The following ANKRD40 variants were observed in gnomAD, a reference collection of about 807,000 sequenced individuals.
The protein encoded by ANKRD40 is ankyrin repeat domain-containing protein 40.
ANKRD40 carries 24 observed loss-of-function variants against 35.5 expected under a neutral mutation model. The observed-to-expected ratio is 0.68, with a 90% CI of 0.49 to 0.95. The LOEUF (loss-of-function observed/expected upper bound fraction) is 0.95. Ranked by LOEUF, ANKRD40 falls within the 40% of genes least tolerant of loss-of-function variation. The pLI is 0.00. For synonymous variants in ANKRD40, 147 were observed against 173.5 expected (o/e 0.85, Z 1.20); for missense variants, 361 against 436.0 (o/e 0.83, Z 1.53).
At chr17:50,700,277 C>T in intron 2 of ANKRD40, 2 of 284,426 alleles carry the variant, frequency 7.0e-6, no homozygotes, top group Middle Eastern at 1.1e-3. Context: ...AACCCCGTCT[C>T]TACTAAAAAT....
Position 50,696,147 on chromosome 17 carries a change from A to G in ANKRD40, c.961-4T>C. The G allele has an allele frequency of 6.2e-7, 1 of 1,613,372 alleles. No homozygotes were observed. Among genetic ancestry groups the G allele is most frequent in the South Asian group, 1.1e-5 (1 of 91,024 alleles). ...GGAGTCGAGCAACATCCTTGTCCTA[A>G]AACAAAAATATGTTAAACAGATTAA... On this transcript the variant is annotated splice_region_variant and splice_polypyrimidine_tract_variant and intron_variant, in intron 4 of 4. Transcript: ENST00000285243.
chr17:50,695,757 C>A lies in ANKRD40; in HGVS notation c.*240G>T. On this transcript the variant is annotated 3_prime_UTR_variant, in exon 5 of 5. Coordinates refer to ENST00000285243, the MANE Select transcript of ANKRD40 (RefSeq NM_052855.4). Reference sequence around the variant, plus strand: ...ACCTTCAGCTTCTGCCTCTCCAGACCACTTCTCAGCTGTTCAAAGCTTCAA... The same window carrying A: ...ACCTTCAGCTTCTGCCTCTCCAGACAACTTCTCAGCTGTTCAAAGCTTCAA... 2.4e-6 allele frequency: 1 copy of A among 412,194 alleles called. No homozygotes were observed. Among genetic ancestry groups the A allele is most frequent in the Admixed American group, 3.9e-5 (1 of 25,622 alleles). The allele number at this position is 412,194 out of a possible 1,614,324, so 25.5% of individuals were successfully genotyped here.
rs1968189649 is a variant in ANKRD40 at position 50,695,545 on chromosome 17, C to A, written c.*452G>T. 6.4e-6 allele frequency: 1 copy of A among 155,600 alleles called. No individual in the cohort carries two copies. The highest frequency in any genetic ancestry group is 1.4e-5 in the Non-Finnish European group (1 of 69,902). The allele number at this position is 155,600 out of a possible 1,614,324, so 9.6% of individuals were successfully genotyped here. A position where few individuals can be genotyped will look rare whatever the true frequency, so the allele number is the denominator to read the frequency against. On this transcript the variant is annotated 3_prime_UTR_variant, in exon 5 of 5. Transcript: ENST00000285243. The stretch of plus-strand genomic sequence containing the variant: ...TCCATCTGTCCAGTATCTGTGCTTT[C>A]CCGAGTCTTCCTCTCTCATAAGTTC...
intron 3 of ANKRD40, among the ~76,000 whole-genome samples, chr17:50,697,423 G>C (rs1269760797): frequency 6.6e-6 from 1 of 152,224 alleles, no homozygotes; most frequent in Non-Finnish European, 1.5e-5. Context: ...TGCCATTGGA[G>C]CTAAGGAGGC....
chr17:50,696,280 G>C (rs1184969433), intron 4 of ANKRD40, 137 bp from the exon 5 acceptor site: 1 of 1,009,462 alleles, frequency 9.9e-7, no homozygotes, highest in Non-Finnish European at 1.4e-6. Context: ...GGCTAAGTCA[G>C]TGATAGTGCA....
rs1396692691 is a variant in ANKRD40 at position 50,697,072 on chromosome 17, A to G, written c.828T>C (p.Asp276=). ...GTCGGTCCAGTTCAATTTCAATGAAATCATTTTCTCGAAGAGATGGGTTCT... is the reference window on the plus strand; with the variant it reads ...GTCGGTCCAGTTCAATTTCAATGAAGTCATTTTCTCGAAGAGATGGGTTCT... ...RIQNPSLREN[D]FIEIELDRQE... Residue 276 remains aspartate, a synonymous_variant, in exon 4 of 5, where the codon GAT becomes GAC. Coordinates refer to ENST00000285243, the MANE Select transcript of ANKRD40 (RefSeq NM_052855.4). 1 of 1,613,886 alleles carries G rather than the reference A, an allele frequency of 6.2e-7. No homozygotes were observed. Among genetic ancestry groups the G allele is most frequent in the Non-Finnish European group, 8.5e-7 (1 of 1,179,990 alleles).
chr17:50,694,248 CAGCA>C lies in ANKRD40; in HGVS notation c.*1745_*1748del. 1 of 151,996 alleles carries C rather than the reference CAGCA, an allele frequency of 6.6e-6. No individual in the cohort carries two copies. Among genetic ancestry groups the C allele is most frequent in the Non-Finnish European group, 1.5e-5 (1 of 68,016 alleles). 9.4% of individuals were successfully genotyped at this position (151,996 alleles called of 1,614,324 possible). A position where few individuals can be genotyped will look rare whatever the true frequency, so the allele number is the denominator to read the frequency against. ...CACTGTACAAGGGTGAGTAAGTCAC[CAGCA>C]GTAATTGGTGGGATACAATTAAGTC... On this transcript the variant is annotated 3_prime_UTR_variant, in exon 5 of 5. Transcript: ENST00000285243.
chr17:50,696,879 G>T, intron 4 of ANKRD40, 61 bp downstream of exon 4: 1 of 1,451,698 alleles, frequency 6.9e-7, no homozygotes, highest in African/African-American at 1.4e-5. Context: ...ATATAACCAA[G>T]GAGGGGGCTA....
intron 1 of ANKRD40, among the ~76,000 whole-genome samples, chr17:50,702,432 A>T (rs1277777558): frequency 6.6e-6 from 1 of 152,094 alleles, no homozygotes; most frequent in Admixed American, 6.6e-5. Context: ...GAGTAAACTA[A>T]GGATAAAGTG....
Position 50,707,603 on chromosome 17 carries a change from C to T in ANKRD40, c.52G>A (p.Ala18Thr). The T allele has an allele frequency of 6.2e-7, 1 of 1,603,712 alleles. No homozygotes were observed. Among genetic ancestry groups the T allele is most frequent in the Admixed American group, 1.7e-5 (1 of 59,310 alleles). ...KEQQERLREA[A>T]ALGDIREVQK... ...ACCTCCCGAATGTCCCCTAAGGCCG[C>T]GGCCTCCCGCAGCCTCTCCTGCTGC... Residue 18 changes from alanine to threonine, a missense_variant, in exon 1 of 5, where the codon GCG becomes ACG. This residue lies in a region of ANKRD40 where 56 missense variants were observed against 47.1 expected (regional missense o/e 1.19). Coordinates refer to ENST00000285243, the MANE Select transcript of ANKRD40 (RefSeq NM_052855.4). The surrounding 1 kb of genome is among the most constrained non-coding windows in gnomAD (Gnocchi z 4.8).
intron 1 of ANKRD40, among the ~76,000 whole-genome samples, chr17:50,706,696 G>A: frequency 6.9e-6 from 1 of 144,512 alleles, no homozygotes; most frequent in East Asian, 2.1e-4. Flanking sequence ...GAGGCCAGGA[G>A]TTTGAGACCA....
intron 3 of ANKRD40, among the ~76,000 whole-genome samples, chr17:50,698,985 C>CAAA (rs5820829): frequency 3.9e-4 from 27 of 69,602 alleles, no homozygotes; most frequent in South Asian, 6.4e-4. Flanking sequence ...ACTAAAAATA[C>CAAA]AAAAAAAAAA....
intron 3 of ANKRD40, among the ~76,000 whole-genome samples, chr17:50,698,187 A>G (rs1968222144): frequency 6.6e-6 from 1 of 151,972 alleles, no homozygotes; most frequent in Admixed American, 6.6e-5. Context: ...TCTTGGAGAA[A>G]TGACTGATTC....
At chr17:50,698,702 C>T (rs949335784) in intron 3 of ANKRD40, among the ~76,000 whole-genome samples, 5 of 152,132 alleles carry the variant, frequency 3.3e-5, no homozygotes, top group Non-Finnish European at 5.9e-5. Flanking sequence ...TGTAATAGTA[C>T]AGACAGTACG....
chr17:50,705,420 TA>T (rs11459587), intron 1 of ANKRD40, among the ~76,000 whole-genome samples: 69 of 141,524 alleles, frequency 4.9e-4, no homozygotes, highest in South Asian at 6.7e-4. Flanking sequence ...CAAAGACCTG[TA>T]AAAAAAAAAA....
At chr17:50,700,011 A>C (rs1968250876) in intron 2 of ANKRD40, 118 bp from the exon 3 acceptor site, 1 of 914,878 alleles carries the variant, frequency 1.1e-6, no homozygotes, top group African/African-American at 1.7e-5. Flanking sequence ...TCAGAAGAAA[A>C]AAGAATACTT....
intron 4 of ANKRD40, 64 bp downstream of exon 4, chr17:50,696,876 C>A: frequency 6.9e-7 from 1 of 1,441,054 alleles, no homozygotes. Flanking sequence ...CTCATATAAC[C>A]AAGGAGGGGG....
intron 2 of ANKRD40, 103 bp downstream of exon 2, chr17:50,700,465 G>C: frequency 2.4e-6 from 2 of 847,920 alleles, no homozygotes; most frequent in Non-Finnish European, 3.4e-6. Context: ...AAAAAAGAAA[G>C]AAATAGAGCA....
chr17:50,699,605 G>A lies in ANKRD40; in HGVS notation c.572C>T (p.Ser191Leu), dbSNP rs754612575. The change falls in exon 3 of 5, where the codon TCG becomes TTG. Residue 191 changes from serine to leucine, a missense_variant. Ser to Leu is a moderately radical substitution (Grantham distance 145). Transcript: ENST00000285243. Reference protein sequence around the residue: ...SLALVQNGDVSAPSAILRTPE... With the variant: ...SLALVQNGDVLAPSAILRTPE... ...TGTTCTGAGTATGGCAGAGGGGGCC[G>A]ACACATCACCATTCTGAACTAGTGC... 4.2e-5 allele frequency: 67 copies of A among 1,613,992 alleles called. No homozygotes were observed. Among genetic ancestry groups the A allele is most frequent in the Non-Finnish European group, 4.7e-5 (56 of 1,180,028 alleles).
Sources: allele counts gnomAD v4.1 joint callset (sites outside exome capture counted in the v4.1 genomes callset), GRCh38; gene constraint gnomAD v4.1.1; regional missense constraint gnomAD v4.1.1; non-coding constraint Gnocchi (gnomAD v3.1); transcripts MANE v1.5; gene names NCBI Gene and HGNC (gene_info 2026-07-23, HGNC 2026-07-21).